WWOX: variants seen among roughly 807,000 people sequenced by gnomAD.
The protein encoded by WWOX is WW domain containing oxidoreductase.
WWOX carries 69 observed loss-of-function variants against 46.2 expected under a neutral mutation model. The observed-to-expected ratio is 1.49, with a 90% CI of 1.23 to 1.82. The LOEUF is 1.82. Ranked by LOEUF, WWOX falls within the 40% of genes most tolerant of loss-of-function variation. The pLI, the probability that WWOX is intolerant of heterozygous loss-of-function variation, is 0.00. For missense variants in WWOX, 919 were observed against 542.6 expected (o/e 1.69, Z -6.89); for synonymous variants, 359 against 202.6 (o/e 1.77, Z -6.56).
chr16:78,777,447 G>C (rs2142541301), intron 8 of WWOX, among the ~76,000 whole-genome samples: 1 of 152,244 alleles, frequency 6.6e-6, no homozygotes, highest in East Asian at 1.9e-4. Context: ...TGTGTCTAGT[G>C]GCTGTCGTAT....
chr16:78,732,265 C>T (rs1597509001), intron 8 of WWOX, among the ~76,000 whole-genome samples: 2 of 152,122 alleles, frequency 1.3e-5, no homozygotes, highest in African/African-American at 4.8e-5. Flanking sequence ...GATGATCCTG[C>T]TTCCGTCTGG....
intron 8 of WWOX, among the ~76,000 whole-genome samples, chr16:78,654,905 G>C (rs1387079098): frequency 6.6e-6 from 1 of 151,988 alleles, no homozygotes; most frequent in Admixed American, 6.6e-5. Context: ...ATGTGTATGT[G>C]TGTGCATGAG....
chr16:78,393,775 C>A (rs376224269), intron 6 of WWOX, among the ~76,000 whole-genome samples: 5 of 151,532 alleles, frequency 3.3e-5, no homozygotes, highest in Admixed American at 3.3e-4. Context: ...TTTCTGTCAC[C>A]GGTATAATTT....
intron 5 of WWOX, among the ~76,000 whole-genome samples, chr16:78,283,702 AG>A (rs1417517974): frequency 2.6e-5 from 4 of 152,202 alleles, no homozygotes; most frequent in East Asian, 1.9e-4. Context: ...AAATTAAAAA[AG>A]AAAAAAAAAA....
At chr16:78,632,403 T>G (rs575067562) in intron 8 of WWOX, among the ~76,000 whole-genome samples, 2 of 151,992 alleles carry the variant, frequency 1.3e-5, no homozygotes, top group Non-Finnish European at 2.9e-5. Context: ...TTTGAGTCCT[T>G]TCTTTTGGGC....
chr16:78,480,267 ATAG>A (rs1251592920), intron 8 of WWOX, among the ~76,000 whole-genome samples: 2 of 152,244 alleles, frequency 1.3e-5, no homozygotes, highest in Non-Finnish European at 2.9e-5. Flanking sequence ...CATTTCTACC[ATAG>A]TAGAATGCTC....
In WWOX at chr16:78,606,939, T is replaced by A. The variant is rs537059539; in HGVS notation, c.1056+174187T>A. Among the ~76,000 whole-genome samples, 309 of 152,170 alleles carry A rather than the reference T, an allele frequency of 2.0e-3. 2 individuals are homozygous for A. The highest frequency in any genetic ancestry group is 7.1e-3 in the African/African-American group (295 of 41,514). ...GTCCACAGCGGTTCACATCGCTGAT[T>A]AATTATGTCCAATGATCATTTTTGT... On this transcript the variant is annotated intron_variant, in intron 8 of 8. Coordinates refer to ENST00000566780, the MANE Select transcript of WWOX (RefSeq NM_016373.4).
chr16:78,432,508 C>G lies in WWOX; in HGVS notation c.812C>G (p.Ser271Cys). 1 of 1,614,120 alleles carries G rather than the reference C, an allele frequency of 6.2e-7. No homozygotes were observed. The highest frequency in any genetic ancestry group is 8.5e-7 in the Non-Finnish European group (1 of 1,180,028). Residue 271 changes from serine to cysteine, a missense_variant, in exon 8 of 9, where the codon TCC becomes TGC. Ser to Cys is a moderately radical substitution (Grantham distance 112). Transcript: ENST00000566780. The stretch of plus-strand genomic sequence containing the variant: ...TTAAGATTTACAGATATTAACGACT[C>G]CTTGGGAAAACTGGACTTCAGTCGC... ...ESHRFTDIND[S>C]LGKLDFSRLS...
At chr16:78,738,078 C>A (rs1451143763) in intron 8 of WWOX, among the ~76,000 whole-genome samples, 2 of 152,174 alleles carry the variant, frequency 1.3e-5, no homozygotes, top group Admixed American at 1.3e-4. Context: ...CAGCTGCCCA[C>A]TTCCAGAAAG....
At chr16:78,714,179 C>T (rs1460865284) in intron 8 of WWOX, among the ~76,000 whole-genome samples, 1 of 152,102 alleles carries the variant, frequency 6.6e-6, no homozygotes, top group African/African-American at 2.4e-5. Context: ...CATATATGTC[C>T]TATATTAGTC....
intron 5 of WWOX, among the ~76,000 whole-genome samples, chr16:78,183,437 G>C (rs1001097224): frequency 6.6e-6 from 1 of 152,208 alleles, no homozygotes; most frequent in Non-Finnish European, 1.5e-5. Flanking sequence ...GTTAGTGGTT[G>C]AGAACATGGA....
rs527506959 is a variant in WWOX, at chr16:78,362,541, G to C, written c.517-24319G>C. Among the ~76,000 whole-genome samples the C allele has an allele frequency of 2.2e-4, 34 of 152,188 alleles. No homozygotes were observed. In the East Asian group the frequency reaches 6.0e-3, roughly 27 times the overall value. On this transcript the variant is annotated intron_variant, in intron 5 of 8. Transcript: ENST00000566780. Reference sequence around the variant, plus strand: ...GCAGAATTGCCTGAACTCGGGAGGTGGAGGTAGCAGTGAGCTGAGATGGCA... The same window carrying C: ...GCAGAATTGCCTGAACTCGGGAGGTCGAGGTAGCAGTGAGCTGAGATGGCA...
intron 8 of WWOX, among the ~76,000 whole-genome samples, chr16:78,714,032 G>A (rs1430652031): frequency 6.6e-6 from 1 of 152,166 alleles, no homozygotes; most frequent in Admixed American, 6.5e-5. Flanking sequence ...GAAGGTAAGG[G>A]AACTGGGGAA....
intron 8 of WWOX, among the ~76,000 whole-genome samples, chr16:79,165,744 G>A (rs1438190430): frequency 1.3e-5 from 2 of 152,208 alleles, no homozygotes; most frequent in East Asian, 3.9e-4. Context: ...AAAAGCACAG[G>A]CCAAGCTCGG....
At chr16:78,939,526 C>CA (rs1479142985) in intron 8 of WWOX, among the ~76,000 whole-genome samples, 3 of 152,086 alleles carry the variant, frequency 2.0e-5, no homozygotes, top group Non-Finnish European at 4.4e-5. Context: ...ATGAATAAAG[C>CA]AGGAGATTTA....
chr16:78,989,412 T>G (rs1029998327), intron 8 of WWOX, among the ~76,000 whole-genome samples: 5 of 152,210 alleles, frequency 3.3e-5, no homozygotes, highest in Non-Finnish European at 7.3e-5. Flanking sequence ...CTGCAGAATC[T>G]TAACAGCACC....
chr16:78,747,062 C>A (rs2049364565), intron 8 of WWOX, among the ~76,000 whole-genome samples: 1 of 152,104 alleles, frequency 6.6e-6, no homozygotes, highest in Admixed American at 6.6e-5. Flanking sequence ...CAATGTCCTC[C>A]CAATATCCTG....
intron 8 of WWOX, among the ~76,000 whole-genome samples, chr16:78,726,693 AGTTG>A (rs2048845027): frequency 6.7e-6 from 1 of 149,262 alleles, no homozygotes; most frequent in African/African-American, 2.5e-5. Context: ...CCCTAGGGTT[AGTTG>A]GTTGGTTGGT....
intron 8 of WWOX, among the ~76,000 whole-genome samples, chr16:78,433,587 C>T (rs867973890): frequency 6.6e-6 from 1 of 152,030 alleles, no homozygotes; most frequent in Non-Finnish European, 1.5e-5. Context: ...AACACATTTG[C>T]CTTTTAGCGA....
Sources: allele counts gnomAD v4.1 joint callset (sites outside exome capture counted in the v4.1 genomes callset), GRCh38; gene constraint gnomAD v4.1.1; transcripts MANE v1.5; gene names NCBI Gene and HGNC (gene_info 2026-07-23, HGNC 2026-07-21).